The following RORA variants were observed in gnomAD, a reference collection of about 807,000 sequenced individuals.
The protein encoded by RORA is RAR related orphan receptor A, also known as nuclear receptor ROR-alpha.
Under a neutral mutation model 69.5 loss-of-function variants are expected in RORA, and 7 were observed. The ratio of observed to expected loss-of-function variants is 0.10; its 90% CI spans 0.06 to 0.19. The LOEUF (loss-of-function observed/expected upper bound fraction) is 0.19, where lower values mean the gene tolerates loss of function less well. RORA is among the 10% of genes least tolerant of loss of function. RORA has a pLI of 1.00. For synonymous variants in RORA, 261 were observed against 240.8 expected (o/e 1.08, Z -0.78); for missense variants, 457 against 663.0 (o/e 0.69, Z 3.41).
At chr15:61,200,451 G>T (rs544620664) in intron 1 of RORA, among the ~76,000 whole-genome samples, 46 of 152,268 alleles carry the variant, frequency 3.0e-4, no homozygotes, top group African/African-American at 1.1e-3. Context: ...TCGGGGCCCA[G>T]AGCAAAAGCA....
chr15:60,569,333 G>A (rs920407899), intron 2 of RORA, among the ~76,000 whole-genome samples: 60 of 151,398 alleles, frequency 4.0e-4, no homozygotes, highest in African/African-American at 1.4e-3. Context: ...CGAGGCTGAG[G>A]CAGAAGGATC....
chr15:60,544,616 TAA>T (rs1382377409), intron 2 of RORA, among the ~76,000 whole-genome samples: 6 of 152,196 alleles, frequency 3.9e-5, no homozygotes, highest in African/African-American at 1.4e-4. Flanking sequence ...GATGTAAAAA[TAA>T]AAGTTTTTTT....
chr15:60,568,089 C>T (rs1235829308), intron 2 of RORA, among the ~76,000 whole-genome samples: 1 of 152,166 alleles, frequency 6.6e-6, no homozygotes, highest in Non-Finnish European at 1.5e-5. Context: ...GATAAATGTT[C>T]CCTGGGGGTC....
chr15:61,159,978 G>A (rs2079480554), intron 1 of RORA, among the ~76,000 whole-genome samples: 1 of 152,184 alleles, frequency 6.6e-6, no homozygotes. Context: ...AGTGGACCCT[G>A]GGATAGAAGA....
chr15:60,730,216 A>G (rs1027365186), intron 1 of RORA, among the ~76,000 whole-genome samples: 3 of 152,224 alleles, frequency 2.0e-5, no homozygotes, highest in Non-Finnish European at 4.4e-5. Flanking sequence ...GTCTTCCTCT[A>G]TACAGGAAGA....
At chr15:60,553,288 C>T (rs1194089566) in intron 2 of RORA, among the ~76,000 whole-genome samples, 4 of 152,058 alleles carry the variant, frequency 2.6e-5, no homozygotes, top group South Asian at 4.2e-4. Context: ...GCTCATATTC[C>T]GAGTCACATG....
intron 2 of RORA, among the ~76,000 whole-genome samples, chr15:60,565,109 G>A (rs1161432166): frequency 6.6e-6 from 1 of 152,132 alleles, no homozygotes; most frequent in Non-Finnish European, 1.5e-5. Context: ...TTTTCATGTG[G>A]GCTGATTTTA....
intron 1 of RORA, among the ~76,000 whole-genome samples, chr15:60,893,959 C>G (rs556860671): frequency 3.5e-4 from 54 of 152,208 alleles, no homozygotes; most frequent in Non-Finnish European, 5.4e-4. Context: ...TGGGCCCCTT[C>G]ATCTTCTTCA....
chr15:60,867,588 C>T (rs956763429), intron 1 of RORA, among the ~76,000 whole-genome samples: 7 of 152,056 alleles, frequency 4.6e-5, no homozygotes, highest in African/African-American at 1.7e-4. Flanking sequence ...GCCCTTTTTG[C>T]CAAGTTTATT....
chr15:61,051,392 C>T (rs1008279655), intron 1 of RORA, among the ~76,000 whole-genome samples: 1 of 152,206 alleles, frequency 6.6e-6, no homozygotes, highest in Non-Finnish European at 1.5e-5. Flanking sequence ...GATCCACAAA[C>T]TTGCAAGCCT....
chr15:60,793,003 C>T (rs12899653), intron 1 of RORA, among the ~76,000 whole-genome samples: 3 of 152,006 alleles, frequency 2.0e-5, no homozygotes, highest in African/African-American at 7.2e-5. Context: ...CTCCCTTCCT[C>T]CCCATCCCCA....
intron 2 of RORA, among the ~76,000 whole-genome samples, chr15:60,637,366 C>T (rs2069859532): frequency 6.6e-6 from 1 of 151,654 alleles, no homozygotes; most frequent in African/African-American, 2.4e-5. Flanking sequence ...AATACATCTT[C>T]TTATCAGTTT....
chr15:61,058,070 G>C (rs1415225657), intron 1 of RORA, among the ~76,000 whole-genome samples: 1 of 152,126 alleles, frequency 6.6e-6, no homozygotes, highest in Non-Finnish European at 1.5e-5. Context: ...TGAGTAGTTG[G>C]GGAGGCCTCC....
intron 3 of RORA, among the ~76,000 whole-genome samples, chr15:60,527,349 T>C (rs2066392689): frequency 6.6e-6 from 1 of 152,242 alleles, no homozygotes; most frequent in Admixed American, 6.5e-5. Context: ...CAAGATGATT[T>C]CTCAAAAGCA....
chr15:60,767,880 G>C (rs755621718), intron 1 of RORA, among the ~76,000 whole-genome samples: 1 of 152,150 alleles, frequency 6.6e-6, no homozygotes, highest in Non-Finnish European at 1.5e-5. Flanking sequence ...GTGGTAAAAG[G>C]TCCGTACACT....
At chr15:60,589,371 C>T (rs889599192) in intron 2 of RORA, among the ~76,000 whole-genome samples, 8 of 152,238 alleles carry the variant, frequency 5.3e-5, no homozygotes, top group African/African-American at 1.2e-4. Context: ...TTAAGCCTCC[C>T]TGTGCTCTTA....
At chr15:60,869,755 T>C (rs1356000382) in intron 1 of RORA, among the ~76,000 whole-genome samples, 1 of 152,132 alleles carries the variant, frequency 6.6e-6, no homozygotes, top group African/African-American at 2.4e-5. Context: ...TGGAAAACCA[T>C]AAAATGGACA....
At chr15:60,626,945 C>T (rs1289641296) in intron 2 of RORA, among the ~76,000 whole-genome samples, 1 of 152,184 alleles carries the variant, frequency 6.6e-6, no homozygotes, top group Non-Finnish European at 1.5e-5. Flanking sequence ...GCCTACCTGC[C>T]TCCTCCTGTT....
chr15:61,013,779 C>CTTT (rs3053960), intron 1 of RORA, among the ~76,000 whole-genome samples: 17 of 70,930 alleles, frequency 2.4e-4, no homozygotes, highest in South Asian at 7.2e-4. Context: ...ACTGGGTTGG[C>CTTT]TTTTTTTTTT....
Sources: allele counts gnomAD v4.1 joint callset (sites outside exome capture counted in the v4.1 genomes callset), GRCh38; gene constraint gnomAD v4.1.1; transcripts MANE v1.5; gene names NCBI Gene and HGNC (gene_info 2026-07-23, HGNC 2026-07-21).